The following PCDH15 variants were observed in gnomAD, a reference collection of about 807,000 sequenced individuals.
The protein encoded by PCDH15 is protocadherin related 15, also known as protocadherin-15.
In PCDH15, 129 loss-of-function variants were observed where a neutral mutation model predicts 178.5. The ratio of observed to expected loss-of-function variants is 0.72; its 90% CI spans 0.63 to 0.84. The LOEUF is 0.84. Among genes scored for constraint, PCDH15 ranks in the 40% least tolerant of loss-of-function variants. PCDH15 has a pLI of 0.00. For synonymous variants in PCDH15, 800 were observed against 732.0 expected, an observed-to-expected ratio of 1.09 and a Z score of -1.50; for missense variants, 2,230 against 2,099.9, an observed-to-expected ratio of 1.06 and a Z score of -1.21.
intron 26 of PCDH15, among the ~76,000 whole-genome samples, chr10:53,879,405 G>T (rs1456853194): frequency 6.6e-6 from 1 of 152,254 alleles, no homozygotes; most frequent in Non-Finnish European, 1.5e-5. Context: ...TAAGGAGGGT[G>T]GGAGCCAAGA....
At chr10:55,063,245 A>C (rs1195345590) in intron 2 of PCDH15, among the ~76,000 whole-genome samples, 1 of 152,142 alleles carries the variant, frequency 6.6e-6, no homozygotes, top group Non-Finnish European at 1.5e-5. Flanking sequence ...ACAACTTAAA[A>C]AACCTGGACG....
chr10:54,496,599 T>C (rs2080138372), intron 3 of PCDH15, among the ~76,000 whole-genome samples: 2 of 152,236 alleles, frequency 1.3e-5, no homozygotes, highest in Admixed American at 6.5e-5. Flanking sequence ...GGTTTTCTTT[T>C]CATGCATTTT....
chr10:54,696,961 T>A (rs1014467335), intron 1 of PCDH15, among the ~76,000 whole-genome samples: 2 of 152,058 alleles, frequency 1.3e-5, no homozygotes, highest in African/African-American at 4.8e-5. Context: ...TTACGTTTCT[T>A]TTAGAGATGG....
At chr10:54,525,303 CTTTCT>C (rs2083266183) in intron 3 of PCDH15, among the ~76,000 whole-genome samples, 1 of 152,072 alleles carries the variant, frequency 6.6e-6, no homozygotes, top group African/African-American at 2.4e-5. Context: ...TTTGTTAGGC[CTTTCT>C]TTTCAAAGAA....
intron 2 of PCDH15, among the ~76,000 whole-genome samples, chr10:55,519,594 G>A (rs570254146): frequency 3.3e-5 from 5 of 151,896 alleles, no homozygotes; most frequent in South Asian, 2.1e-4. Context: ...ATATTTTTCC[G>A]TATAATTTCT....
At chr10:55,163,506 C>A (rs561907251) in intron 2 of PCDH15, among the ~76,000 whole-genome samples, 6 of 152,136 alleles carry the variant, frequency 3.9e-5, no homozygotes, top group Non-Finnish European at 4.4e-5. Flanking sequence ...AAGGCTAAGA[C>A]CTATTGGGCT....
chr10:55,544,442 C>T (rs952890392), intron 2 of PCDH15, among the ~76,000 whole-genome samples: 3 of 151,850 alleles, frequency 2.0e-5, no homozygotes, highest in Non-Finnish European at 4.4e-5. Context: ...CTGAACTATT[C>T]ATATTTTTCA....
chr10:54,037,732 T>G (rs2093449234), intron 18 of PCDH15, among the ~76,000 whole-genome samples: 1 of 151,990 alleles, frequency 6.6e-6, no homozygotes, highest in Non-Finnish European at 1.5e-5. Context: ...AAATGTGTAT[T>G]GCTTTGAGAA....
intron 1 of PCDH15, among the ~76,000 whole-genome samples, chr10:54,770,318 A>T (rs2133256213): frequency 6.6e-6 from 1 of 152,228 alleles, no homozygotes; most frequent in African/African-American, 2.4e-5. Flanking sequence ...GTAAGTTTAC[A>T]AATGATCAGA....
intron 3 of PCDH15, among the ~76,000 whole-genome samples, chr10:54,834,436 C>T (rs1320130031): frequency 6.6e-6 from 1 of 152,030 alleles, no homozygotes; most frequent in African/African-American, 2.4e-5. Flanking sequence ...GCCTCAGCCT[C>T]CCAAAGTGCT....
chr10:55,125,163 T>TTTTGTGTGTGTG lies in PCDH15; in HGVS notation c.-80+41412_-80+41413insCACACACACAAA, dbSNP rs1554833072. 3.2e-3 allele frequency among the ~76,000 whole-genome samples: 454 copies of TTTTGTGTGTGTG among 143,078 alleles called. 4 individuals carry two copies. Among genetic ancestry groups the TTTTGTGTGTGTG allele is most frequent in the South Asian group, 0.011 (49 of 4,402 alleles). 93.9% of individuals were successfully genotyped at this position (143,078 alleles called of 152,430 possible). On this transcript the variant is annotated intron_variant, in intron 2 of 5. Transcript: ENST00000458638. ...GGATACTTTTTGAATTTTTTTTTAA[T>TTTTGTGTGTGTG]TGTGTGTGTGTGTGTGTGTGTGTGT...
chr10:55,339,927 T>C (rs1462447236), intron 2 of PCDH15, among the ~76,000 whole-genome samples: 1 of 150,378 alleles, frequency 6.6e-6, no homozygotes, highest in African/African-American at 2.4e-5. Flanking sequence ...CTGGAAACAT[T>C]AAACAAAGAA....
intron 13 of PCDH15, among the ~76,000 whole-genome samples, chr10:54,182,308 G>A (rs4412671): frequency 0.051 from 7,770 of 152,220 alleles, 299 homozygotes; most frequent in African/African-American, 0.092. Context: ...TTAATGCAAA[G>A]TTGGTGATGA....
intron 2 of PCDH15, among the ~76,000 whole-genome samples, chr10:55,460,252 T>C (rs968645867): frequency 2.0e-5 from 3 of 151,828 alleles, no homozygotes; most frequent in African/African-American, 7.2e-5. Flanking sequence ...TATATTATTA[T>C]TGTATTCTAT....
chr10:54,324,713 C>T (rs556192369), intron 7 of PCDH15, among the ~76,000 whole-genome samples: 11 of 152,046 alleles, frequency 7.2e-5, no homozygotes, highest in Non-Finnish European at 1.5e-4. Context: ...TGCAGTGAAC[C>T]GAGATCACCC....
At position 55,029,353 on chromosome 10, in the gene PCDH15, C is replaced by A. The variant is rs551616348; in HGVS notation, c.-79-131853G>T. 1.8e-3 allele frequency among the ~76,000 whole-genome samples: 271 copies of A among 151,862 alleles called. 1 individual carries two copies. Among genetic ancestry groups the A allele is most frequent in the African/African-American group, 6.5e-3 (268 of 41,398 alleles). On this transcript the variant is annotated intron_variant, in intron 2 of 5. Coordinates refer to the PCDH15 transcript ENST00000458638. ...GAATATGCATGTATATATATAAATA[C>A]AATTGTCCTATCCACTAGTAATTTT...
chr10:54,711,619 C>T (rs1169773051), intron 1 of PCDH15, among the ~76,000 whole-genome samples: 1 of 151,812 alleles, frequency 6.6e-6, no homozygotes. Context: ...AAAATAATCA[C>T]CTTTATAATA....
At chr10:54,782,205 C>T (rs1335079600) in intron 1 of PCDH15, among the ~76,000 whole-genome samples, 2 of 151,868 alleles carry the variant, frequency 1.3e-5, no homozygotes, top group Admixed American at 6.6e-5. Flanking sequence ...TTTGAGGATG[C>T]GATATGACTG....
chr10:53,838,762 A>G (rs2077458289), intron 29 of PCDH15, among the ~76,000 whole-genome samples: 1 of 144,446 alleles, frequency 6.9e-6, no homozygotes, highest in African/African-American at 2.9e-5. Context: ...TTAAATTAAT[A>G]AAACTTACAA....
Sources: allele counts gnomAD v4.1 joint callset (sites outside exome capture counted in the v4.1 genomes callset), GRCh38; gene constraint gnomAD v4.1.1; transcripts MANE v1.5; gene names NCBI Gene and HGNC (gene_info 2026-07-23, HGNC 2026-07-21).